TRPM3: variants seen among roughly 807,000 people sequenced by gnomAD.
The protein encoded by TRPM3 is long transient receptor potential channel 3.
A neutral mutation model predicts 181.2 loss-of-function variants in TRPM3; 77 were observed. The observed-to-expected ratio is 0.42, with a 90% CI of 0.35 to 0.51. TRPM3 has a LOEUF of 0.51. Among genes scored for constraint, TRPM3 ranks in the 20% least tolerant of loss-of-function variants. The pLI, the probability that TRPM3 is intolerant of heterozygous loss-of-function variation, is 0.01. For synonymous variants in TRPM3, 745 were observed against 796.4 expected (o/e 0.94, Z 1.09); for missense variants, 1,759 against 2,196.7 (o/e 0.80, Z 3.98).
At chr9:71,076,850 T>A (rs541014378) in intron 1 of TRPM3, among the ~76,000 whole-genome samples, 11 of 152,184 alleles carry the variant, frequency 7.2e-5, no homozygotes, top group Non-Finnish European at 1.6e-4. Context: ...GATCACTGAA[T>A]AGAGCAAAAA....
intron 1 of TRPM3, among the ~76,000 whole-genome samples, chr9:71,063,624 TAATGAGCATA>T (rs2061572276): frequency 6.6e-6 from 1 of 152,040 alleles, no homozygotes; most frequent in African/African-American, 2.4e-5. Flanking sequence ...ATGGAGTTAA[TAATGAGCATA>T]AATGCACATT....
chr9:70,634,417 A>G (rs2066497592), intron 12 of TRPM3, among the ~76,000 whole-genome samples: 1 of 146,976 alleles, frequency 6.8e-6, no homozygotes, highest in African/African-American at 2.7e-5. Context: ...CTAGCCTATA[A>G]TAATAAAATA....
intron 1 of TRPM3, among the ~76,000 whole-genome samples, chr9:71,052,284 ATTGAATTCTAGAG>A (rs1005864221): frequency 6.6e-6 from 1 of 152,168 alleles, no homozygotes; most frequent in African/African-American, 2.4e-5. Flanking sequence ...CTGGACTTTT[ATTGAATTCTAGAG>A]CTTGGTGAAA....
At chr9:70,754,386 A>C (rs1377763934) in intron 8 of TRPM3, among the ~76,000 whole-genome samples, 1 of 152,188 alleles carries the variant, frequency 6.6e-6, no homozygotes, top group Non-Finnish European at 1.5e-5. Flanking sequence ...TTTACCTGAA[A>C]ACAATGATAG....
chr9:70,980,858 A>C (rs1250105638), intron 1 of TRPM3, among the ~76,000 whole-genome samples: 1 of 152,164 alleles, frequency 6.6e-6, no homozygotes, highest in Non-Finnish European at 1.5e-5. Flanking sequence ...CCCTATAGAC[A>C]GGCATACTGT....
intron 1 of TRPM3, among the ~76,000 whole-genome samples, chr9:70,923,822 C>G (rs562491274): frequency 1.4e-5 from 2 of 140,848 alleles, no homozygotes; most frequent in Non-Finnish European, 3.1e-5. Context: ...CTCTCTCTCT[C>G]TCTCTCTATA....
At chr9:71,344,319 C>T (rs2309896) in intron 1 of TRPM3, among the ~76,000 whole-genome samples, 145,499 of 152,066 alleles carry the variant, frequency 0.96, 69,699 homozygotes, top group Non-Finnish European at 0.98. Flanking sequence ...GGTATCGTAG[C>T]GCATGCCTGT....
chr9:70,941,083 A>G (rs182387358), intron 1 of TRPM3, among the ~76,000 whole-genome samples: 28 of 152,282 alleles, frequency 1.8e-4, no homozygotes, highest in Admixed American at 1.8e-3. Context: ...CTGATTGTCA[A>G]CTCAATTGGA....
chr9:71,357,752 A>T (rs1441773320), intron 1 of TRPM3, among the ~76,000 whole-genome samples: 1 of 150,396 alleles, frequency 6.6e-6, no homozygotes, highest in Non-Finnish European at 1.5e-5. Context: ...AAAAAAATGC[A>T]TCTTTTTCTT....
At chr9:71,268,034 G>A (rs10735601) in intron 1 of TRPM3, among the ~76,000 whole-genome samples, 1 of 152,164 alleles carries the variant, frequency 6.6e-6, no homozygotes, top group Admixed American at 6.5e-5. Context: ...GAACAAATAT[G>A]CTGGGAAACC....
chr9:70,976,448 T>G (rs558310245), intron 1 of TRPM3, among the ~76,000 whole-genome samples: 13 of 152,170 alleles, frequency 8.5e-5, no homozygotes, highest in Non-Finnish European at 1.9e-4. Context: ...AGTAAAGAGA[T>G]GCAAAAGAAT....
intron 9 of TRPM3, among the ~76,000 whole-genome samples, chr9:70,678,288 G>C (rs559953033): frequency 9.4e-4 from 143 of 151,590 alleles, no homozygotes; most frequent in African/African-American, 3.4e-3. Flanking sequence ...CTTTTTTTTG[G>C]AGACAGTCTT....
chr9:70,581,452 G>C (rs1267261579), intron 22 of TRPM3, among the ~76,000 whole-genome samples: 1 of 152,236 alleles, frequency 6.6e-6, no homozygotes, highest in Non-Finnish European at 1.5e-5. Flanking sequence ...AAGATCTTGA[G>C]CATCTTCCTT....
chr9:70,752,763 C>T (rs548545928), intron 8 of TRPM3, among the ~76,000 whole-genome samples: 1 of 152,240 alleles, frequency 6.6e-6, no homozygotes, highest in South Asian at 2.1e-4. Flanking sequence ...GACAAATAGG[C>T]TATACCATAG....
intron 1 of TRPM3, among the ~76,000 whole-genome samples, chr9:71,161,937 C>T (rs895845393): frequency 2.0e-5 from 3 of 151,922 alleles, no homozygotes; most frequent in Non-Finnish European, 2.9e-5. Context: ...TATGGGAGCT[C>T]GTGCCTGTAA....
chr9:70,817,286 G>A (rs55799488), intron 6 of TRPM3, among the ~76,000 whole-genome samples: 37,818 of 152,080 alleles, frequency 0.25, 5,843 homozygotes, highest in African/African-American at 0.43. Context: ...GAAAGGAAGG[G>A]CAGGGCCTCC....
intron 4 of TRPM3, 46 bp from the exon 5 acceptor site, chr9:70,843,173 C>T (rs749936048): frequency 2.0e-5 from 31 of 1,573,404 alleles, no homozygotes; most frequent in African/African-American, 2.8e-5. Flanking sequence ...AAAGCAAATA[C>T]CTTTTCATCA....
At chr9:70,670,319 C>G (rs1035150726) in intron 9 of TRPM3, among the ~76,000 whole-genome samples, 2 of 152,148 alleles carry the variant, frequency 1.3e-5, no homozygotes, top group African/African-American at 2.4e-5. Flanking sequence ...AATGATAAAA[C>G]TTGTATAAAC....
At chr9:71,032,011 TATAATATATA>T (rs2057429233) in intron 1 of TRPM3, among the ~76,000 whole-genome samples, 10 of 53,278 alleles carry the variant, frequency 1.9e-4, no homozygotes, top group Admixed American at 1.2e-3. Context: ...TTATATAATA[TATAATATATA>T]TATATAATAT....
Sources: gnomAD v4.1 joint callset for allele counts (sites outside exome capture counted in the v4.1 genomes callset) on GRCh38, gnomAD v4.1.1 for gene constraint, MANE v1.5 for transcripts, NCBI Gene and HGNC (gene_info 2026-07-23, HGNC 2026-07-21) for gene names.